The following ZNF586 variants were observed in gnomAD, a reference collection of about 807,000 sequenced individuals.
ZNF586 encodes zinc finger protein 586.
In ZNF586, 7 loss-of-function variants were observed where a neutral mutation model predicts 6.7. The ratio of observed to expected loss-of-function variants is 1.04; its 90% CI spans 0.59 to 1.95. The LOEUF is 1.95. ZNF586 is among the 30% of genes most tolerant of loss of function. The pLI is 0.00. For missense variants in ZNF586, 442 were observed against 489.6 expected (o/e 0.90, Z 0.92); for synonymous variants, 166 against 168.7 (o/e 0.98, Z 0.12).
At chr19:57,775,735 T>C (rs921137407) in intron 1 of ZNF586, among the ~76,000 whole-genome samples, 10 of 151,754 alleles carry the variant, frequency 6.6e-5, no homozygotes, top group African/African-American at 2.4e-4. Flanking sequence ...CCTGAGTAGC[T>C]GGGACTACAG....
At position 57,779,167 on chromosome 19, in the gene ZNF586, A is replaced by T; in HGVS notation, c.580A>T (p.Ile194Phe). The T allele has an allele frequency of 6.2e-7, 1 of 1,613,914 alleles. No homozygotes were observed. The highest frequency in any genetic ancestry group is 8.5e-7 in the Non-Finnish European group (1 of 1,179,978). ...AGCCTTTGCTGAAAAGTCCAGTCTC[A>T]TTAACCACAGGAAAGTTCACTCTGG... is the stretch of plus-strand genomic sequence containing the variant. ...GKAFAEKSSL[I>F]NHRKVHSGAK... The change falls in exon 3 of 3, where the codon ATT (isoleucine) becomes TTT (phenylalanine). Residue 194 changes from isoleucine to phenylalanine, a missense_variant. Ile to Phe is a conservative substitution (Grantham distance 21). Transcript: ENST00000396154.
At position 57,779,451 on chromosome 19, in the gene ZNF586, G is replaced by C; in HGVS notation, c.864G>C (p.Arg288Ser). Residue 288 changes from arginine to serine, a missense_variant, in exon 3 of 3, where the codon AGG becomes AGC. By Grantham distance (110) the Arg-to-Ser change is moderately radical. Coordinates refer to ENST00000396154, the MANE Select transcript of ZNF586 (RefSeq NM_017652.4). ...LQHQRVHTRE[R>S]PYECSECGKS... ...ATCAGAGAGTTCACACTAGAGAAAG[G>C]CCTTATGAATGTAGTGAATGTGGGA... is the stretch of plus-strand genomic sequence containing the variant. 6.2e-7 allele frequency: 1 copy of C among 1,614,130 alleles called. No individual in the cohort carries two copies.
chr19:57,769,717 C>A lies in ZNF586; in HGVS notation c.-126C>A. The A allele has an allele frequency of 9.7e-7, 1 of 1,026,446 alleles. No homozygotes were observed. The highest frequency in any genetic ancestry group is 1.5e-6 in the Non-Finnish European group (1 of 687,718). 63.6% of individuals were successfully genotyped at this position (1,026,446 alleles called of 1,614,324 possible). The stretch of plus-strand genomic sequence containing the variant: ...CGGCGATGCTGGGTCTGGACGAGCT[C>A]GGGAGGAGTGGTTGTGGCCATTGCA... On this transcript the variant is annotated 5_prime_UTR_variant, in exon 1 of 3. Transcript: ENST00000396154.
In ZNF586 at chr19:57,778,760, A is replaced by G; in HGVS notation, c.173A>G (p.His58Arg). Residue 58 changes from histidine (H) to arginine (R), a missense_variant, in exon 3 of 3, where the codon CAT becomes CGT. Coordinates refer to ENST00000396154, the MANE Select transcript of ZNF586 (RefSeq NM_017652.4). The stretch of plus-strand genomic sequence containing the variant: ...ATTTCTTTGCTTTTAGGTTGTTGGC[A>G]TGGAGGGGAAGATGAGGCAGCACCT... ...LTLISSLGCW[H>R]GGEDEAAPSK... The G allele has an allele frequency of 6.2e-7, 1 of 1,603,948 alleles. No individual in the cohort carries two copies. The highest frequency in any genetic ancestry group is 8.5e-7 in the Non-Finnish European group (1 of 1,174,656).
chr19:57,770,605 TGA>T (rs1288468644), intron 1 of ZNF586, among the ~76,000 whole-genome samples: 1 of 152,140 alleles, frequency 6.6e-6, no homozygotes, highest in East Asian at 1.9e-4. Context: ...GTTGAATCAT[TGA>T]GAGGTGACAT....
intron 1 of ZNF586, 119 bp from the exon 2 acceptor site, chr19:57,776,424 C>T (rs925608447): frequency 1.5e-6 from 2 of 1,331,458 alleles, no homozygotes. Context: ...CAAAATTTCT[C>T]CTCTGAGTTG....
chr19:57,777,605 G>T (rs912704024), intron 2 of ZNF586, among the ~76,000 whole-genome samples: 1 of 151,846 alleles, frequency 6.6e-6, no homozygotes, highest in African/African-American at 2.4e-5. Context: ...CCTACACCTT[G>T]TTGCTTCTGC....
chr19:57,772,211 G>A (rs1373855827), intron 1 of ZNF586, among the ~76,000 whole-genome samples: 1 of 152,160 alleles, frequency 6.6e-6, no homozygotes, highest in Admixed American at 6.5e-5. Flanking sequence ...CTGTAGCAAT[G>A]GGAGCTGCAT....
intron 1 of ZNF586, 33 bp from the exon 2 acceptor site, chr19:57,776,510 C>T: frequency 1.9e-6 from 3 of 1,596,758 alleles, no homozygotes; most frequent in Non-Finnish European, 2.6e-6. Flanking sequence ...GCATAGGGGC[C>T]ATTTGTGGTT....
intron 2 of ZNF586, among the ~76,000 whole-genome samples, chr19:57,778,439 G>T (rs774186038): frequency 5.3e-5 from 8 of 151,982 alleles, no homozygotes; most frequent in Non-Finnish European, 1.0e-4. Context: ...TGTTGGGGGG[G>T]GCCTGGACAT....
In ZNF586 at chr19:57,769,707, TG is replaced by T; in HGVS notation, c.-134del. On this transcript the variant is annotated 5_prime_UTR_variant, in exon 1 of 3. An upstream open reading frame in the 5' UTR gains an earlier in-frame stop. Coordinates refer to ENST00000396154, the MANE Select transcript of ZNF586 (RefSeq NM_017652.4). ...CAGGTCCATCCGGCGATGCTGGGTC[TG>T]GACGAGCTCGGGAGGAGTGGTTGTG... 2.1e-6 allele frequency: 2 copies of T among 944,482 alleles called. No individual in the cohort carries two copies. Among genetic ancestry groups the T allele is most frequent in the Non-Finnish European group, 3.2e-6 (2 of 617,194 alleles). 58.5% of individuals were successfully genotyped at this position (944,482 alleles called of 1,614,324 possible). A position where few individuals can be genotyped will look rare whatever the true frequency, so the allele number is the denominator to read the frequency against.
chr19:57,779,619 T>G lies in ZNF586; in HGVS notation c.1032T>G (p.Pro344=). 1 of 1,613,642 alleles carries G rather than the reference T, an allele frequency of 6.2e-7. No individual in the cohort carries two copies. Among genetic ancestry groups the G allele is most frequent in the South Asian group, 1.1e-5 (1 of 91,050 alleles). Residue 344 remains proline, a synonymous_variant, in exon 3 of 3, where the codon CCT becomes CCG. Coordinates refer to ENST00000396154, the MANE Select transcript of ZNF586 (RefSeq NM_017652.4). ...TGAGAGTTCACACTGGAGAAAGGCC[T>G]TATGAGTGCAGTGACTGTGGGAAAT... ...IHLRVHTGER[P]YECSDCGKSF... is the part of the protein sequence containing the mutation.
Position 57,780,134 on chromosome 19 carries a change from G to T in ZNF586, c.*338G>T. 7.2e-6 allele frequency: 2 copies of T among 277,046 alleles called. No individual in the cohort carries two copies. The highest frequency in any genetic ancestry group is 9.7e-5 in the Admixed American group (2 of 20,722). 17.2% of individuals were successfully genotyped at this position (277,046 alleles called of 1,614,324 possible). On this transcript the variant is annotated 3_prime_UTR_variant, in exon 3 of 3. Coordinates refer to ENST00000396154, the MANE Select transcript of ZNF586 (RefSeq NM_017652.4). ...ATTGAATGTCATACATCAAATAGCT[G>T]CATACATTCCAGGTATGTGGGAACT... is the stretch of plus-strand genomic sequence containing the variant.
In ZNF586 at chr19:57,779,809, A is replaced by C; in HGVS notation, c.*13A>C. 1 of 1,558,498 alleles carries C rather than the reference A, an allele frequency of 6.4e-7. No homozygotes were observed. Among genetic ancestry groups the C allele is most frequent in the South Asian group, 1.2e-5 (1 of 80,808 alleles). On this transcript the variant is annotated 3_prime_UTR_variant, in exon 3 of 3. Coordinates refer to ENST00000396154, the MANE Select transcript of ZNF586 (RefSeq NM_017652.4). ...GCCTTATAAGTGAAGCAAATTTTGG[A>C]AATTCTCTTGCCCAGGCTTTTTGCT...
In ZNF586 at chr19:57,769,969, G is replaced by A; in HGVS notation, c.36+91G>A. The A allele has an allele frequency of 2.6e-6, 3 of 1,141,066 alleles. No homozygotes were observed. The South Asian group carries it at 4.9e-5, about 19-fold the overall frequency. 70.7% of individuals were successfully genotyped at this position (1,141,066 alleles called of 1,614,324 possible). ...AGGGCCGCCTCCTCGCGTCCCTGCA[G>A]CCCAGGCCTCTGTCAGGGACGGAGA... On this transcript the variant is annotated intron_variant, in intron 1 of 2. Transcript: ENST00000396154.
At position 57,769,889 on chromosome 19, in the gene ZNF586, C is replaced by A; in HGVS notation, c.36+11C>A. 6.5e-7 allele frequency: 1 copy of A among 1,537,392 alleles called. No homozygotes were observed. The highest frequency in any genetic ancestry group is 8.8e-7 in the Non-Finnish European group (1 of 1,141,042). ...AGGGCGCCTGCTCAGGTGAGCGCTG[C>A]GACCTCCGGGCCTTACCCACCCTAC... is the stretch of plus-strand genomic sequence containing the variant. On this transcript the variant is annotated intron_variant, in intron 1 of 2. Transcript: ENST00000396154.
At chr19:57,771,597 C>G (rs773626201) in intron 1 of ZNF586, among the ~76,000 whole-genome samples, 14 of 152,104 alleles carry the variant, frequency 9.2e-5, no homozygotes, top group Non-Finnish European at 1.3e-4. Context: ...GGAACTGATA[C>G]TGGGGTGTGC....
rs1024516360 is a variant in ZNF586 at position 57,779,292 on chromosome 19, G to C, written c.705G>C (p.Glu235Asp). 6.2e-7 allele frequency: 1 copy of C among 1,613,976 alleles called. No individual in the cohort carries two copies. The highest frequency in any genetic ancestry group is 1.3e-5 in the African/African-American group (1 of 74,884). Residue 235 changes from glutamate (E) to aspartate (D), a missense_variant, in exon 3 of 3, where the codon GAG (glutamate) becomes GAC (aspartate). Coordinates refer to ENST00000396154, the MANE Select transcript of ZNF586 (RefSeq NM_017652.4). ...TTCACACTGGAGAGAGGCCTTATGAGTGCAGTGAATGTGGGAGATCCTTTG... is the reference window on the plus strand; with the variant it reads ...TTCACACTGGAGAGAGGCCTTATGACTGCAGTGAATGTGGGAGATCCTTTG... ...RRIHTGERPY[E>D]CSECGRSFAE...
rs1056667271 is a variant in ZNF586, at chr19:57,779,430, G to T, written c.843G>T (p.Gln281His). The T allele has an allele frequency of 1.2e-6, 2 of 1,614,054 alleles. No homozygotes were observed. The highest frequency in any genetic ancestry group is 1.7e-6 in the Non-Finnish European group (2 of 1,180,026). The change falls in exon 3 of 3, where the codon CAG becomes CAT. Residue 281 changes from glutamine (Q) to histidine (H), a missense_variant. Coordinates refer to ENST00000396154, the MANE Select transcript of ZNF586 (RefSeq NM_017652.4). The stretch of plus-strand genomic sequence containing the variant: ...GAAGCTCTTCACTCTTGCAGCATCA[G>T]AGAGTTCACACTAGAGAAAGGCCTT... ...FRRSSSLLQH[Q>H]RVHTRERPYE...
Sources: gnomAD v4.1 joint callset for allele counts (sites outside exome capture counted in the v4.1 genomes callset) on GRCh38, gnomAD v4.1.1 for gene constraint, MANE v1.5 for transcripts, NCBI Gene and HGNC (gene_info 2026-07-23, HGNC 2026-07-21) for gene names.